Variants in AGBL1 observed in about 807,000 individuals in gnomAD.
AGBL1 encodes the protein AGBL carboxypeptidase 1, also known as cytosolic carboxypeptidase 4.
In AGBL1, 130 loss-of-function variants were observed where a neutral mutation model predicts 118.9. The observed-to-expected ratio is 1.09, with a 90% confidence interval of 0.95 to 1.26. AGBL1 has a LOEUF of 1.26. AGBL1 is among the 50% of genes most tolerant of loss of function. AGBL1 has a pLI of 0.00. For synonymous variants in AGBL1, 555 were observed against 478.9 expected (o/e 1.16, Z -2.08); for missense variants, 1,584 against 1,298.1 (o/e 1.22, Z -3.38).
At chr15:86,699,059 A>G (rs2086311441) in intron 22 of AGBL1, among the ~76,000 whole-genome samples, 1 of 152,030 alleles carries the variant, frequency 6.6e-6, no homozygotes, top group Non-Finnish European at 1.5e-5. Flanking sequence ...AAAAAGCAGG[A>G]AGATAAAGTA....
chr15:86,135,077 T>A (rs2076871572), intron 1 of AGBL1, among the ~76,000 whole-genome samples: 1 of 152,160 alleles, frequency 6.6e-6, no homozygotes, highest in South Asian at 2.1e-4. Flanking sequence ...AACTATGGAA[T>A]GAGAGGTGTT....
intron 22 of AGBL1, among the ~76,000 whole-genome samples, chr15:86,821,618 G>A (rs1452447): frequency 0.46 from 69,688 of 151,956 alleles, 16,230 homozygotes; most frequent in Middle Eastern, 0.53. Context: ...GCCTTTTTAT[G>A]TAATGGCCAT....
chr15:86,951,531 CATATA>C (rs923532193), intron 23 of AGBL1, among the ~76,000 whole-genome samples: 5 of 152,124 alleles, frequency 3.3e-5, no homozygotes, highest in African/African-American at 1.2e-4. Flanking sequence ...TGGTTAATCT[CATATA>C]ATGTTGAGTG....
At chr15:86,961,700 A>C (rs1447165480) in intron 23 of AGBL1, among the ~76,000 whole-genome samples, 1 of 152,064 alleles carries the variant, frequency 6.6e-6, no homozygotes, top group Non-Finnish European at 1.5e-5. Flanking sequence ...TCTGTGGGTC[A>C]GGCCGGGGGC....
intron 21 of AGBL1, among the ~76,000 whole-genome samples, chr15:86,642,683 T>C (rs2469188): frequency 2.6e-5 from 4 of 151,856 alleles, no homozygotes; most frequent in Non-Finnish European, 5.9e-5. Flanking sequence ...ACACTATTTA[T>C]TGATGGTGAA....
chr15:86,861,142 A>G (rs2079554528), intron 22 of AGBL1, among the ~76,000 whole-genome samples: 1 of 151,898 alleles, frequency 6.6e-6, no homozygotes, highest in Non-Finnish European at 1.5e-5. Flanking sequence ...CTGCTCCCAA[A>G]TTTTTTCTAG....
chr15:86,850,371 T>A (rs901461298), intron 22 of AGBL1, among the ~76,000 whole-genome samples: 1 of 152,228 alleles, frequency 6.6e-6, no homozygotes, highest in Non-Finnish European at 1.5e-5. Context: ...GACTTCCCAG[T>A]CTTATCTCTG....
At chr15:86,237,214 C>T (rs755516334) in intron 6 of AGBL1, among the ~76,000 whole-genome samples, 1 of 152,200 alleles carries the variant, frequency 6.6e-6, no homozygotes, top group Non-Finnish European at 1.5e-5. Context: ...ACAATAGTGA[C>T]ACACTATTGG....
intron 17 of AGBL1, among the ~76,000 whole-genome samples, chr15:86,303,731 A>G (rs2079792019): frequency 3.3e-5 from 5 of 152,196 alleles, no homozygotes; most frequent in Admixed American, 3.3e-4. Flanking sequence ...GAAACATGTA[A>G]TATATTTCAT....
chr15:86,392,938 T>C (rs1313401931), intron 17 of AGBL1, among the ~76,000 whole-genome samples: 4 of 152,162 alleles, frequency 2.6e-5, no homozygotes. Context: ...AACCACATGG[T>C]ATGTGTGGTG....
At chr15:86,708,451 T>G (rs1445582870) in intron 22 of AGBL1, among the ~76,000 whole-genome samples, 1 of 152,118 alleles carries the variant, frequency 6.6e-6, no homozygotes, top group East Asian at 1.9e-4. Context: ...ACCTTGATCT[T>G]GGACTTCAGG....
chr15:86,522,696 A>C (rs571777097), intron 18 of AGBL1, 114 bp from the exon 19 acceptor site: 1 of 1,330,430 alleles, frequency 7.5e-7, no homozygotes, highest in South Asian at 1.5e-5. Flanking sequence ...ATTGGGAAGA[A>C]ATCAGAGGAA....
At chr15:86,722,266 T>G (rs867387289) in intron 22 of AGBL1, among the ~76,000 whole-genome samples, 101 of 152,152 alleles carry the variant, frequency 6.6e-4, no homozygotes, top group African/African-American at 1.9e-3. Flanking sequence ...CTACTACAAG[T>G]CTACAGTAAC....
intron 17 of AGBL1, among the ~76,000 whole-genome samples, chr15:86,317,612 C>T (rs936218821): frequency 6.6e-6 from 1 of 152,146 alleles, no homozygotes; most frequent in Non-Finnish European, 1.5e-5. Flanking sequence ...AAGTCACAGA[C>T]TAGCTTTGGG....
chr15:86,351,556 G>A (rs933287682), intron 17 of AGBL1, among the ~76,000 whole-genome samples: 2 of 152,038 alleles, frequency 1.3e-5, no homozygotes, highest in Non-Finnish European at 2.9e-5. Flanking sequence ...AAGGTTGAAG[G>A]CCACTCCTTT....
intron 22 of AGBL1, among the ~76,000 whole-genome samples, chr15:86,723,546 C>A (rs2086768724): frequency 1.3e-5 from 2 of 151,948 alleles, no homozygotes; most frequent in South Asian, 4.2e-4. Context: ...AGGAGATATA[C>A]CTAATATTAA....
intron 23 of AGBL1, among the ~76,000 whole-genome samples, chr15:86,946,760 G>T (rs12441961): frequency 6.7e-6 from 1 of 149,312 alleles, no homozygotes; most frequent in Non-Finnish European, 1.5e-5. Context: ...GGCAGAATTG[G>T]TTGAACCCGG....
chr15:86,855,449 A>G (rs560626897), intron 22 of AGBL1, among the ~76,000 whole-genome samples: 12 of 152,276 alleles, frequency 7.9e-5, no homozygotes, highest in African/African-American at 2.6e-4. Flanking sequence ...GGGTTAAGCA[A>G]TCCAGCTATT....
chr15:86,578,417 A>G (rs1005561946), intron 21 of AGBL1, among the ~76,000 whole-genome samples: 3 of 152,212 alleles, frequency 2.0e-5, no homozygotes, highest in Non-Finnish European at 4.4e-5. Context: ...GCTCATAGCC[A>G]GAAGGGACTT....
Sources: gnomAD v4.1 joint callset for allele counts (sites outside exome capture counted in the v4.1 genomes callset) on GRCh38, gnomAD v4.1.1 for gene constraint, MANE v1.5 for transcripts, NCBI Gene and HGNC (gene_info 2026-07-23, HGNC 2026-07-21) for gene names.